DDX50: variants seen among roughly 807,000 people sequenced by gnomAD.
The protein encoded by DDX50 is DExD-box helicase 50, also known as ATP-dependent RNA helicase DDX50.
A neutral mutation model predicts 94.8 loss-of-function variants in DDX50; 56 were observed. The observed-to-expected ratio is 0.59, with a 90% confidence interval of 0.48 to 0.74. The LOEUF is 0.74. Among genes scored for constraint, DDX50 ranks in the 30% least tolerant of loss-of-function variants. The pLI, the probability that DDX50 is intolerant of heterozygous loss-of-function variation, is 0.00. For synonymous variants in DDX50, 264 were observed against 295.4 expected (o/e 0.89, Z 1.09); for missense variants, 713 against 881.2 (o/e 0.81, Z 2.42).
chr10:68,923,626 C>G (rs1396951923), intron 8 of DDX50, among the ~76,000 whole-genome samples: 1 of 151,382 alleles, frequency 6.6e-6, no homozygotes, highest in Non-Finnish European at 1.5e-5. Context: ...CACTGCAACC[C>G]TCCGCCTCTT....
chr10:68,906,614 T>C (rs1841450561), intron 1 of DDX50, 97 bp from the exon 2 acceptor site: 1 of 1,355,018 alleles, frequency 7.4e-7, no homozygotes, highest in Non-Finnish European at 1.0e-6. Context: ...TAACTGTAGA[T>C]TGAGCTGAAC....
At position 68,906,995 on chromosome 10, in the gene DDX50, T is replaced by G; in HGVS notation, c.372T>G (p.Asn124Lys). 1 of 1,580,570 alleles carries G rather than the reference T, an allele frequency of 6.3e-7. No homozygotes were observed. The highest frequency in any genetic ancestry group is 8.5e-7 in the Non-Finnish European group (1 of 1,172,448). The stretch of plus-strand genomic sequence containing the variant: ...CTTCTACTCATAAATCAAGTGATAA[T>G]AAACTAGAGGAGGTATGGAAGCTTT... ...LDTSTHKSSD[N>K]KLEETLTREQ... is the part of the protein sequence containing the mutation. Residue 124 changes from asparagine (N) to lysine (K), a missense_variant, in exon 2 of 15, where the codon AAT becomes AAG. Around this residue, in one of 2 missense-constraint regions of DDX50, gnomAD observed 285 missense variants for 278.9 expected, o/e 1.02. Transcript: ENST00000373585.
intron 8 of DDX50, 63 bp downstream of exon 8, chr10:68,920,044 T>G: frequency 6.3e-7 from 1 of 1,594,810 alleles, no homozygotes; most frequent in Middle Eastern, 1.7e-4. Flanking sequence ...GAACGAAAAT[T>G]ATATTGTCCT....
At chr10:68,906,407 T>G (rs1841446027) in intron 1 of DDX50, 1 of 256,820 alleles carries the variant, frequency 3.9e-6, no homozygotes, top group South Asian at 6.4e-5. Context: ...GTTTAGTAAT[T>G]TATAATTCTG....
Position 68,919,829 on chromosome 10 carries a change from A to G in DDX50, c.1090-3A>G. ...AATAATGTGGTATTTTCTTTCTTCA[A>G]AGCATTTGGCCATCCAGTGTCATTG... On this transcript the variant is annotated splice_polypyrimidine_tract_variant and splice_region_variant and intron_variant, in intron 7 of 14. Coordinates refer to ENST00000373585, the MANE Select transcript of DDX50 (RefSeq NM_024045.2). The G allele has an allele frequency of 6.2e-7, 1 of 1,609,866 alleles. No individual in the cohort carries two copies.
At chr10:68,937,904 C>T (rs565762175) in intron 12 of DDX50, among the ~76,000 whole-genome samples, 1 of 152,136 alleles carries the variant, frequency 6.6e-6, no homozygotes, top group East Asian at 1.9e-4. Flanking sequence ...TTTTCTAAAT[C>T]ATTTGAAAGT....
intron 14 of DDX50, among the ~76,000 whole-genome samples, 179 bp downstream of exon 14, chr10:68,943,436 C>T (rs1258780842): frequency 6.6e-6 from 1 of 152,180 alleles, no homozygotes; most frequent in Non-Finnish European, 1.5e-5. Context: ...TGGAGTCTCT[C>T]TCAGGCTGGA....
chr10:68,933,519 T>G (rs1256498722), intron 8 of DDX50, among the ~76,000 whole-genome samples: 1 of 152,142 alleles, frequency 6.6e-6, no homozygotes, highest in Non-Finnish European at 1.5e-5. Flanking sequence ...TAGATGTGGA[T>G]AGCTAAGATA....
intron 8 of DDX50, among the ~76,000 whole-genome samples, chr10:68,929,295 C>CCTTCCTT (rs1564612578): frequency 0.055 from 3,183 of 58,164 alleles, 60 homozygotes; most frequent in Middle Eastern, 0.13. Context: ...CTTCCTTCCT[C>CCTTCCTT]TCTCTCTCTC....
Position 68,919,962 on chromosome 10 carries a change from T to C in DDX50, c.1220T>C (p.Met407Thr). The C allele has an allele frequency of 6.2e-7, 1 of 1,614,196 alleles. No individual in the cohort carries two copies. Among genetic ancestry groups the C allele is most frequent in the Non-Finnish European group, 8.5e-7 (1 of 1,180,024 alleles). Reference protein sequence around the residue: ...ETKKNVTEMAMNPHIKQNAQC... With the variant: ...ETKKNVTEMATNPHIKQNAQC... Reference sequence around the variant, plus strand: ...AAGAAGAATGTAACTGAAATGGCCATGAATCCACACATAAAACAGGTAAGT... The same window carrying C: ...AAGAAGAATGTAACTGAAATGGCCACGAATCCACACATAAAACAGGTAAGT... The change falls in exon 8 of 15, where the codon ATG becomes ACG. Residue 407 changes from methionine (M) to threonine (T), a missense_variant. Met to Thr is a moderately conservative substitution (Grantham distance 81). Around this residue, in one of 2 missense-constraint regions of DDX50, gnomAD observed 428 missense variants for 602.3 expected, o/e 0.71. Transcript: ENST00000373585.
At chr10:68,914,983 C>G (rs566431775) in intron 7 of DDX50, among the ~76,000 whole-genome samples, 18 of 147,436 alleles carry the variant, frequency 1.2e-4, no homozygotes, top group Non-Finnish European at 2.7e-4. Context: ...ATTGCGCCAC[C>G]GTACTCCAGC....
intron 13 of DDX50, among the ~76,000 whole-genome samples, chr10:68,942,832 G>T (rs1435896672): frequency 6.6e-6 from 1 of 152,014 alleles, no homozygotes; most frequent in Non-Finnish European, 1.5e-5. Flanking sequence ...GCCCAGGCTG[G>T]TCTTGATCGA....
intron 13 of DDX50, among the ~76,000 whole-genome samples, chr10:68,941,926 C>T (rs1395771829): frequency 1.3e-5 from 2 of 152,006 alleles, no homozygotes; most frequent in Non-Finnish European, 2.9e-5. Flanking sequence ...AGGCGTGAGC[C>T]ACCATACCCT....
At chr10:68,903,103 C>G (rs1389442236) in intron 1 of DDX50, among the ~76,000 whole-genome samples, 1 of 152,138 alleles carries the variant, frequency 6.6e-6, no homozygotes, top group South Asian at 2.1e-4. Context: ...AGAAATAGAG[C>G]ATTAGAATAC....
At chr10:68,910,676 C>G (rs1292174997) in intron 3 of DDX50, among the ~76,000 whole-genome samples, 1 of 152,204 alleles carries the variant, frequency 6.6e-6, no homozygotes, top group African/African-American at 2.4e-5. Context: ...GCTGGGATTA[C>G]AGGCGTGAGC....
rs776234864 is a variant in DDX50 at position 68,934,761 on chromosome 10, C to G, written c.1402-38C>G. 7.5e-5 allele frequency: 117 copies of G among 1,561,602 alleles called. No individual in the cohort carries two copies. The highest frequency in any genetic ancestry group is 9.6e-5 in the Non-Finnish European group (112 of 1,162,604). ...TGGATTCCGGAATGACTGCAACTTG[C>G]TAGATTTTTAAAAAATATTACCTTT... is the stretch of plus-strand genomic sequence containing the variant. On this transcript the variant is annotated intron_variant, in intron 9 of 14. Coordinates refer to ENST00000373585, the MANE Select transcript of DDX50 (RefSeq NM_024045.2). This position sits in a 1 kb window ranked among gnomAD's most constrained non-coding sequence, Gnocchi z 4.0.
In DDX50 at chr10:68,906,963, T is replaced by G; in HGVS notation, c.340T>G (p.Leu114Val). Residue 114 changes from leucine to valine, a missense_variant, in exon 2 of 15, where the codon TTA becomes GTA. Coordinates refer to ENST00000373585, the MANE Select transcript of DDX50 (RefSeq NM_024045.2). ...YEKKSKRVSS[L>V]DTSTHKSSDN... ...AAAAAAATCAAAGCGAGTATCATCT[T>G]TAGATACTTCTACTCATAAATCAAG... 1 of 1,594,942 alleles carries G rather than the reference T, an allele frequency of 6.3e-7. No homozygotes were observed. The highest frequency in any genetic ancestry group is 1.7e-4 in the Middle Eastern group (1 of 6,006).
rs368086619 is a variant in DDX50, at chr10:68,910,315, A to T, written c.393A>T (p.Thr131=). The change falls in exon 3 of 15, where the codon ACA becomes ACT. Residue 131 remains threonine, a synonymous_variant. Coordinates refer to ENST00000373585, the MANE Select transcript of DDX50 (RefSeq NM_024045.2). ...TGATTTCATTTTTACAGACCTTAAC[A>T]CGTGAACAGAAAGAAGGAGCCTTCT... ...SSDNKLEETL[T]REQKEGAFSN... The T allele has an allele frequency of 5.4e-5, 86 of 1,606,846 alleles. No homozygotes were observed. The highest frequency in any genetic ancestry group is 1.7e-4 in the Middle Eastern group (1 of 6,060).
At chr10:68,907,531 G>C (rs965678477) in intron 2 of DDX50, among the ~76,000 whole-genome samples, 3 of 151,778 alleles carry the variant, frequency 2.0e-5, no homozygotes, top group Non-Finnish European at 2.9e-5. Flanking sequence ...GATCAGGCTG[G>C]TCTTGAACTC....
Sources: allele counts gnomAD v4.1 joint callset (sites outside exome capture counted in the v4.1 genomes callset), GRCh38; gene constraint gnomAD v4.1.1; regional missense constraint gnomAD v4.1.1; non-coding constraint Gnocchi (gnomAD v3.1); transcripts MANE v1.5; gene names NCBI Gene and HGNC (gene_info 2026-07-23, HGNC 2026-07-21).